The following FAM193A variants were observed in gnomAD, a reference collection of about 807,000 sequenced individuals.
FAM193A encodes the protein family with sequence similarity 193 member A, also known as protein FAM193A.
Under a neutral mutation model 126.5 loss-of-function variants are expected in FAM193A, and 22 were observed. The observed-to-expected ratio is 0.17, with a 90% CI of 0.12 to 0.25. The LOEUF is 0.25. Ranked by LOEUF, FAM193A falls within the 10% of genes least tolerant of loss-of-function variation. The probability of loss-of-function intolerance (pLI) is 1.00; values close to 1 mark genes in which losing one functional copy is unlikely to be tolerated. For synonymous variants in FAM193A, 761 were observed against 646.8 expected, an observed-to-expected ratio of 1.18 and a Z score of -2.68; for missense variants, 1,675 against 1,672.8, an observed-to-expected ratio of 1.00 and a Z score of -0.02.
intron 1 of FAM193A, among the ~76,000 whole-genome samples, chr4:2,580,675 TG>T (rs1334792448): frequency 6.6e-6 from 1 of 152,240 alleles, no homozygotes; most frequent in Admixed American, 6.5e-5. Context: ...CCTCTATCTC[TG>T]GCTCCTCACT....
At chr4:2,570,210 C>T (rs1165434778) in intron 1 of FAM193A, among the ~76,000 whole-genome samples, 1 of 152,100 alleles carries the variant, frequency 6.6e-6, no homozygotes, top group Non-Finnish European at 1.5e-5. Flanking sequence ...TAGTTAAACT[C>T]ATTGGGCCGG....
At chr4:2,681,088 C>G (rs1246510840) in intron 13 of FAM193A, among the ~76,000 whole-genome samples, 4 of 152,098 alleles carry the variant, frequency 2.6e-5, no homozygotes, top group Non-Finnish European at 2.9e-5. Flanking sequence ...CGCTTGAGCT[C>G]AAATGATTCT....
At chr4:2,620,460 G>A (rs977110688) in intron 2 of FAM193A, among the ~76,000 whole-genome samples, 3 of 152,164 alleles carry the variant, frequency 2.0e-5, no homozygotes, top group African/African-American at 7.2e-5. Flanking sequence ...TAATAGAGGA[G>A]ATTAACTGGG....
rs141800243 is a variant in FAM193A at position 2,618,977 on chromosome 4, C to T, written c.502-6285C>T. On this transcript the variant is annotated intron_variant, in intron 2 of 20. Transcript: ENST00000637812. ...GAACTCCTGACCTCAGGTGATCCAC[C>T]TGCCTTGGCCTCCCAAAATGCTGGG... is the stretch of plus-strand genomic sequence containing the variant. Among the ~76,000 whole-genome samples the T allele has an allele frequency of 1.2e-3, 189 of 152,272 alleles. 1 individual carries two copies. Among genetic ancestry groups the T allele is most frequent in the African/African-American group, 4.5e-3 (185 of 41,558 alleles).
At chr4:2,678,824 G>A (rs543096562) in intron 13 of FAM193A, among the ~76,000 whole-genome samples, 145 of 152,250 alleles carry the variant, frequency 9.5e-4, no homozygotes, top group Non-Finnish European at 1.8e-3. Flanking sequence ...TGTTTTTGTG[G>A]AATCTTTGGA....
At chr4:2,691,183 T>G (rs1716339627) in intron 15 of FAM193A, among the ~76,000 whole-genome samples, 1 of 152,222 alleles carries the variant, frequency 6.6e-6, no homozygotes, top group African/African-American at 2.4e-5. Context: ...CCTCTGGGGC[T>G]TCGCTGCACT....
intron 17 of FAM193A, 49 bp downstream of exon 17, chr4:2,695,178 C>A: frequency 1.4e-6 from 2 of 1,467,226 alleles, no homozygotes; most frequent in East Asian, 2.6e-5. Context: ...GTGCAACACA[C>A]GGGCTCCTTT....
intron 20 of FAM193A, among the ~76,000 whole-genome samples, chr4:2,717,851 A>T (rs1375829806): frequency 6.6e-6 from 1 of 151,594 alleles, no homozygotes; most frequent in East Asian, 1.9e-4. Flanking sequence ...ACGAGGTTTC[A>T]CCATGTTGGC....
chr4:2,554,741 G>T (rs1738156454), intron 1 of FAM193A, among the ~76,000 whole-genome samples: 1 of 152,072 alleles, frequency 6.6e-6, no homozygotes, highest in African/African-American at 2.4e-5. Context: ...TTTGCTTCAT[G>T]TATGTTTGAA....
intron 6 of FAM193A, among the ~76,000 whole-genome samples, chr4:2,640,277 G>A (rs564860622): frequency 6.6e-6 from 1 of 152,136 alleles, no homozygotes; most frequent in African/African-American, 2.4e-5. Flanking sequence ...CACACATTCC[G>A]TTGCTACCCG....
Position 2,690,931 on chromosome 4 carries a change from A to G in FAM193A, c.2764A>G (p.Ser922Gly). The change falls in exon 15 of 21, where the codon AGC (serine) becomes GGC (glycine). Residue 922 changes from serine (S) to glycine (G), a missense_variant. Coordinates refer to ENST00000637812, the MANE Select transcript of FAM193A (RefSeq NM_001366318.2). ...AGCTACCACAGTGCAGTCCAGCAAC[A>G]GCCAGTTCAGAGTGTCATCCAAGAG... ...CTATTVQSSNSQFRVSSKRPP... is the reference protein window; with the variant it reads ...CTATTVQSSNGQFRVSSKRPP... The G allele has an allele frequency of 6.2e-7, 1 of 1,614,198 alleles. No homozygotes were observed. The highest frequency in any genetic ancestry group is 8.5e-7 in the Non-Finnish European group (1 of 1,180,010).
chr4:2,536,447 C>A (rs1034191338), upstream of FAM193A, among the ~76,000 whole-genome samples: 13 of 151,890 alleles, frequency 8.6e-5, no homozygotes, highest in Admixed American at 5.2e-4. Flanking sequence ...CCGGGTACCC[C>A]CAGCTGCTGC....
At chr4:2,569,134 T>TG (rs1413203408) in intron 1 of FAM193A, among the ~76,000 whole-genome samples, 1 of 151,928 alleles carries the variant, frequency 6.6e-6, no homozygotes, top group South Asian at 2.1e-4. Context: ...CGCACCTGGG[T>TG]AATTTTTTTG....
At chr4:2,589,041 A>G (rs1057256482) in intron 1 of FAM193A, among the ~76,000 whole-genome samples, 3 of 152,230 alleles carry the variant, frequency 2.0e-5, no homozygotes, top group African/African-American at 7.2e-5. Flanking sequence ...ATGACAGAGC[A>G]GGGATATGAA....
intron 1 of FAM193A, among the ~76,000 whole-genome samples, chr4:2,543,416 C>T (rs1211054370): frequency 1.3e-5 from 2 of 151,860 alleles, no homozygotes; most frequent in Admixed American, 6.6e-5. Flanking sequence ...GATAGGGCAC[C>T]ACAGGCTTGG....
At chr4:2,560,426 A>G (rs560176736) in intron 1 of FAM193A, among the ~76,000 whole-genome samples, 2 of 152,244 alleles carry the variant, frequency 1.3e-5, no homozygotes, top group East Asian at 3.9e-4. Flanking sequence ...ACTGGATTGG[A>G]ACATCTAAAC....
intron 1 of FAM193A, among the ~76,000 whole-genome samples, chr4:2,541,319 C>T (rs1003278266): frequency 6.6e-6 from 1 of 151,948 alleles, no homozygotes; most frequent in African/African-American, 2.4e-5. Flanking sequence ...GCAACAAAAG[C>T]GAAACTCTGT....
At position 2,662,862 on chromosome 4, in the gene FAM193A, A is replaced by G. The variant is rs759563597; in HGVS notation, c.1770A>G (p.Ala590=). Residue 590 remains alanine, a synonymous_variant, in exon 11 of 21, where the codon GCA becomes GCG. Transcript: ENST00000637812. ...PTFCSDDEDV[A]PLSAKFADIY... ...GTTGTAGTGATGATGAAGATGTTGC[A>G]CCATTGTCAGCCAAATTTGCTGATA... 1.2e-6 allele frequency: 2 copies of G among 1,611,112 alleles called. No individual in the cohort carries two copies. Among genetic ancestry groups the G allele is most frequent in the South Asian group, 2.2e-5 (2 of 91,016 alleles).
chr4:2,541,262 G>A (rs1162632664), intron 1 of FAM193A, among the ~76,000 whole-genome samples: 1 of 151,810 alleles, frequency 6.6e-6, no homozygotes, highest in Admixed American at 6.6e-5. Context: ...AACCTGGGAG[G>A]TGGAGATTGT....
Sources: gnomAD v4.1 joint callset for allele counts (sites outside exome capture counted in the v4.1 genomes callset) on GRCh38, gnomAD v4.1.1 for gene constraint, MANE v1.5 for transcripts, NCBI Gene and HGNC (gene_info 2026-07-23, HGNC 2026-07-21) for gene names.